The following ADAMTSL2 variants were observed in gnomAD, a reference collection of about 807,000 sequenced individuals.
The protein encoded by ADAMTSL2 is ADAMTS like 2.
A neutral mutation model predicts 117.0 loss-of-function variants in ADAMTSL2; 55 were observed. The ratio of observed to expected loss-of-function variants is 0.47; its 90% confidence interval spans 0.38 to 0.59. The LOEUF (loss-of-function observed/expected upper bound fraction) is 0.59, where lower values mean the gene tolerates loss of function less well. Among genes scored for constraint, ADAMTSL2 ranks in the 20% least tolerant of loss-of-function variants. The pLI is 0.00. For missense variants in ADAMTSL2, 1,182 were observed against 1,354.5 expected, an observed-to-expected ratio of 0.87 and a Z score of 2.00; for synonymous variants, 572 against 566.4, an observed-to-expected ratio of 1.01 and a Z score of -0.14.
At chr9:133,549,178 G>T (rs1249140945) in intron 9 of ADAMTSL2, among the ~76,000 whole-genome samples, 1 of 35,590 alleles carries the variant, frequency 2.8e-5, no homozygotes, top group Non-Finnish European at 1.1e-4. Context: ...ATTTTTTTTT[G>T]TATTTTTAGT....
At chr9:133,564,597 G>A (rs1228053713) in intron 12 of ADAMTSL2, among the ~76,000 whole-genome samples, 46 of 26,124 alleles carry the variant, frequency 1.8e-3, no homozygotes, top group Non-Finnish European at 2.0e-3. Flanking sequence ...AGAGAGAGGG[G>A]GAGAGAGAGG....
In ADAMTSL2 at chr9:133,534,929, C is replaced by T. The variant is rs1830015236; in HGVS notation, c.-151+12C>T. 2 of 1,378,900 alleles carry T rather than the reference C, an allele frequency of 1.5e-6. No homozygotes were observed. The highest frequency in any genetic ancestry group is 1.9e-6 in the Non-Finnish European group (2 of 1,060,730). The allele number at this position is 1,378,900 out of a possible 1,614,324, so 85.4% of individuals were successfully genotyped here. A position where few individuals can be genotyped will look rare whatever the true frequency, so the allele number is the denominator to read the frequency against. ...TGACCCGAAGCCAGGTAGGCCACCT[C>T]GTCCCCGTCCCCCTCACGTTGCAGC... On this transcript the variant is annotated intron_variant, in intron 1 of 18. Transcript: ENST00000651351.
rs1830988584 is a variant in ADAMTSL2 at position 133,566,975 on chromosome 9, G to T, written c.1787G>T (p.Gly596Val). Residue 596 changes from glycine (G) to valine (V), a missense_variant, in exon 13 of 19, where the codon GGC becomes GTC. Coordinates refer to ENST00000651351, the MANE Select transcript of ADAMTSL2 (RefSeq NM_014694.4). Reference sequence around the variant, plus strand: ...TACGCCATGTGTGTCCGCTATGATGGCGTCGAGGTGGATGACAGCTACTGT... The same window carrying T: ...TACGCCATGTGTGTCCGCTATGATGTCGTCGAGGTGGATGACAGCTACTGT... The part of the protein sequence containing the change: ...SAYAMCVRYD[G>V]VEVDDSYCDA... The T allele has an allele frequency of 6.2e-7, 1 of 1,610,916 alleles. No individual in the cohort carries two copies. The highest frequency in any genetic ancestry group is 8.5e-7 in the Non-Finnish European group (1 of 1,179,214).
At position 133,569,920 on chromosome 9, in the gene ADAMTSL2, G is replaced by A. The variant is rs375891639; in HGVS notation, c.2415+342G>A. Among the ~76,000 whole-genome samples, 4 of 152,330 alleles carry A rather than the reference G, an allele frequency of 2.6e-5. No homozygotes were observed. In the East Asian group the frequency reaches 7.7e-4, roughly 29 times the overall value. On this transcript the variant is annotated intron_variant, in intron 16 of 18. Transcript: ENST00000651351. ...CCAGGGGCCTTTGCGACCTCTGATC[G>A]TGACCAGTGTGTCTTCCGCACCCAC...
At chr9:133,536,891 C>T (rs558332991) in intron 2 of ADAMTSL2, 89 bp downstream of exon 2, 42 of 1,580,254 alleles carry the variant, frequency 2.7e-5, no homozygotes, top group Middle Eastern at 2.2e-4. Context: ...TGGAGGGAGC[C>T]GTGTGGGCAC....
rs757206787 is a variant in ADAMTSL2 at position 133,540,786 on chromosome 9, C to G, written c.558+43C>G. 112 of 1,613,316 alleles carry G rather than the reference C, an allele frequency of 6.9e-5. 1 individual carries two copies. The East Asian group carries it at 2.5e-3, about 36-fold the overall frequency. On this transcript the variant is annotated intron_variant, in intron 6 of 18. Transcript: ENST00000651351. ...CAAAAGTACCGCCGGTCTCACTGTG[C>G]TGACTGCCCGCCCGCCTGTGGGAGG...
At chr9:133,561,359 G>A in intron 12 of ADAMTSL2, 64 bp downstream of exon 12, 3 of 1,421,226 alleles carry the variant, frequency 2.1e-6, no homozygotes, top group Non-Finnish European at 2.9e-6. Context: ...ACATGGGCTG[G>A]GGCTGTGGGG....
chr9:133,563,359 C>T (rs1043712461), intron 12 of ADAMTSL2, among the ~76,000 whole-genome samples: 6 of 152,246 alleles, frequency 3.9e-5, no homozygotes, highest in Non-Finnish European at 8.8e-5. Context: ...TCTGCTTTGC[C>T]AAGTCCTTTG....
intron 17 of ADAMTSL2, among the ~76,000 whole-genome samples, chr9:133,571,119 C>T (rs1275984447): frequency 6.6e-6 from 1 of 152,132 alleles, no homozygotes; most frequent in African/African-American, 2.4e-5. Flanking sequence ...GGAGGAGAGC[C>T]CTCCCACCCT....
intron 4 of ADAMTSL2, among the ~76,000 whole-genome samples, chr9:133,538,931 G>A (rs1479766287): frequency 2.0e-5 from 3 of 152,204 alleles, no homozygotes; most frequent in Non-Finnish European, 4.4e-5. Flanking sequence ...GCTCTCAGTG[G>A]GGCCCTGGGC....
At chr9:133,569,281 T>C in intron 15 of ADAMTSL2, 127 bp from the exon 16 acceptor site, 2 of 842,200 alleles carry the variant, frequency 2.4e-6, no homozygotes, top group Non-Finnish European at 3.9e-6. Flanking sequence ...ATTTAAAAAG[T>C]GGTTACCATG....
intron 9 of ADAMTSL2, among the ~76,000 whole-genome samples, chr9:133,550,373 G>A (rs1830454747): frequency 6.6e-6 from 1 of 152,242 alleles, no homozygotes; most frequent in African/African-American, 2.4e-5. Flanking sequence ...ATTTCTGGGT[G>A]TTGGAGGATA....
chr9:133,566,828 A>C, intron 12 of ADAMTSL2, 108 bp from the exon 13 acceptor site: 1 of 1,447,246 alleles, frequency 6.9e-7, no homozygotes. Context: ...TCCCCAAGCC[A>C]GAAAGCTGAG....
At chr9:133,570,604 CCT>C in intron 17 of ADAMTSL2, 97 bp downstream of exon 17, 2 of 1,339,834 alleles carry the variant, frequency 1.5e-6, no homozygotes, top group East Asian at 2.5e-5. Flanking sequence ...GCTTCCTGCT[CCT>C]CCCTCCCTGA....
At chr9:133,539,514 C>T (rs1010404759) in intron 4 of ADAMTSL2, among the ~76,000 whole-genome samples, 1 of 152,176 alleles carries the variant, frequency 6.6e-6, no homozygotes, top group Non-Finnish European at 1.5e-5. Flanking sequence ...GTGGTGGGGA[C>T]TGGGAGGGTT....
intron 17 of ADAMTSL2, 27 bp from the exon 18 acceptor site, chr9:133,573,816 C>G (rs1416349471): frequency 1.2e-5 from 20 of 1,613,724 alleles, no homozygotes; most frequent in Non-Finnish European, 1.7e-5. Context: ...GAGGCTTTCC[C>G]CATGCCTTCT....
chr9:133,543,768 CCTT>C (rs1323102196), intron 7 of ADAMTSL2, among the ~76,000 whole-genome samples: 3 of 152,368 alleles, frequency 2.0e-5, no homozygotes, highest in East Asian at 3.9e-4. Flanking sequence ...TAAAATCTCT[CCTT>C]CTCCCCAGGC....
At chr9:133,543,871 A>G (rs1588283104) in intron 7 of ADAMTSL2, among the ~76,000 whole-genome samples, 1 of 152,184 alleles carries the variant, frequency 6.6e-6, no homozygotes, top group East Asian at 1.9e-4. Context: ...GGAGGACTGC[A>G]TGGCTGCCTC....
chr9:133,539,169 C>T (rs1390305357), intron 4 of ADAMTSL2, among the ~76,000 whole-genome samples: 1 of 152,108 alleles, frequency 6.6e-6, no homozygotes, highest in Non-Finnish European at 1.5e-5. Context: ...GTCACCTGGT[C>T]AGCTGCCCTC....
Sources: allele counts gnomAD v4.1 joint callset (sites outside exome capture counted in the v4.1 genomes callset), GRCh38; gene constraint gnomAD v4.1.1; transcripts MANE v1.5; gene names NCBI Gene and HGNC (gene_info 2026-07-23, HGNC 2026-07-21).